Variants in CALD1 observed in about 807,000 individuals in gnomAD.
The protein encoded by CALD1 is caldesmon.
In CALD1, 33 loss-of-function variants were observed where a neutral mutation model predicts 99.9. The observed-to-expected ratio is 0.33, with a 90% CI of 0.25 to 0.44. The LOEUF is 0.44. Ranked by LOEUF, CALD1 falls within the 20% of genes least tolerant of loss-of-function variation. CALD1 has a pLI of 1.00. For missense variants in CALD1, 861 were observed against 962.1 expected, an observed-to-expected ratio of 0.89 and a Z score of 1.39; for synonymous variants, 310 against 325.0, an observed-to-expected ratio of 0.95 and a Z score of 0.50.
chr7:134,836,879 A>C (rs1199990740), intron 1 of CALD1, among the ~76,000 whole-genome samples: 1 of 152,204 alleles, frequency 6.6e-6, no homozygotes, highest in Non-Finnish European at 1.5e-5. Context: ...TCTTCTATTA[A>C]CAATTGAAAC....
At chr7:134,859,229 G>T (rs1170656923) in intron 2 of CALD1, among the ~76,000 whole-genome samples, 1 of 152,180 alleles carries the variant, frequency 6.6e-6, no homozygotes, top group African/African-American at 2.4e-5. Context: ...CCCTGTATCT[G>T]AATTATGTGT....
chr7:134,778,564 C>G (rs1245085132), upstream of CALD1, among the ~76,000 whole-genome samples: 1 of 152,182 alleles, frequency 6.6e-6, no homozygotes, highest in Non-Finnish European at 1.5e-5. Context: ...TAATTAAGTA[C>G]TAATTGAGTG....
At chr7:134,760,221 T>C (rs56783735) in intron 1 of CALD1, among the ~76,000 whole-genome samples, 18,487 of 152,148 alleles carry the variant, frequency 0.12, 2,841 homozygotes, top group African/African-American at 0.36. Context: ...CTGAGTGTGG[T>C]AGGAAATCAA....
chr7:134,949,062 C>A (rs1807133351), intron 8 of CALD1, among the ~76,000 whole-genome samples: 1 of 152,112 alleles, frequency 6.6e-6, no homozygotes. Context: ...ATCTACTTTG[C>A]AGGATTCTTC....
At position 134,933,642 on chromosome 7, in the gene CALD1, A is replaced by T; in HGVS notation, c.873A>T (p.Glu291Asp). Reference sequence around the variant, plus strand: ...AGCAAGACAAAAAGATAGCAGATGAACGAGCAAGAATTGAAGCAGAAGAAA... The same window carrying T: ...AGCAAGACAAAAAGATAGCAGATGATCGAGCAAGAATTGAAGCAGAAGAAA... ...KAEQDKKIAD[E>D]RARIEAEEKA... Residue 291 changes from glutamate (E) to aspartate (D), a missense_variant, in exon 5 of 15, where the codon GAA becomes GAT. By Grantham distance (45) the Glu-to-Asp change is conservative (BLOSUM62 2). Transcript: ENST00000361675. The T allele has an allele frequency of 6.2e-7, 1 of 1,608,612 alleles. No homozygotes were observed. Among genetic ancestry groups the T allele is most frequent in the Non-Finnish European group, 8.5e-7 (1 of 1,177,146 alleles).
intron 14 of CALD1, among the ~76,000 whole-genome samples, chr7:134,966,590 G>GT (rs1808697959): frequency 6.6e-6 from 1 of 152,144 alleles, no homozygotes; most frequent in South Asian, 2.1e-4. Flanking sequence ...GAGAGATGAA[G>GT]TAACTTTCCC....
chr7:134,792,664 C>T (rs534334889), intron 1 of CALD1, among the ~76,000 whole-genome samples: 1 of 152,220 alleles, frequency 6.6e-6, no homozygotes, highest in Non-Finnish European at 1.5e-5. Context: ...ACTTGATTAC[C>T]TCTGTAAAGA....
chr7:134,737,457 T>A, the CALD1 span, among the ~76,000 whole-genome samples: 2 of 152,242 alleles, frequency 1.3e-5, no homozygotes, highest in Non-Finnish European at 2.9e-5. Flanking sequence ...TAAATAACTA[T>A]GCATTTTATT....
intron 6 of CALD1, among the ~76,000 whole-genome samples, chr7:134,936,257 G>C (rs1586362466): frequency 1.3e-5 from 2 of 152,252 alleles, no homozygotes; most frequent in East Asian, 3.9e-4. Flanking sequence ...GATGATATTT[G>C]GTTTTCAAAA....
At chr7:134,712,747 T>C in the CALD1 span, among the ~76,000 whole-genome samples, 3 of 152,204 alleles carry the variant, frequency 2.0e-5, no homozygotes, top group Non-Finnish European at 4.4e-5. Flanking sequence ...GTCAGTCTTT[T>C]AGCTGAGATC....
chr7:134,741,948 C>T (rs1796595616), upstream of CALD1, among the ~76,000 whole-genome samples: 1 of 151,714 alleles, frequency 6.6e-6, no homozygotes, highest in African/African-American at 2.4e-5. Context: ...GTGTTATTGT[C>T]TTCATTCTAC....
the CALD1 span, among the ~76,000 whole-genome samples, chr7:134,723,885 A>G: frequency 6.6e-6 from 1 of 152,204 alleles, no homozygotes; most frequent in Non-Finnish European, 1.5e-5. Context: ...TTGGCTTTAG[A>G]ATCCTACTGT....
At chr7:134,896,023 T>C (rs1802545745) in intron 3 of CALD1, among the ~76,000 whole-genome samples, 1 of 152,158 alleles carries the variant, frequency 6.6e-6, no homozygotes, top group Non-Finnish European at 1.5e-5. Context: ...GTTACCTGTT[T>C]CTAACCATCC....
At chr7:134,732,486 TG>T in the CALD1 span, among the ~76,000 whole-genome samples, 1 of 152,218 alleles carries the variant, frequency 6.6e-6, no homozygotes, top group Non-Finnish European at 1.5e-5. Context: ...GGGAGGCTGT[TG>T]GCTTTTCCAC....
At chr7:134,775,288 A>C (rs2131643585), upstream of CALD1, among the ~76,000 whole-genome samples, 1 of 152,310 alleles carries the variant, frequency 6.6e-6, no homozygotes, top group East Asian at 1.9e-4. Flanking sequence ...TCTTGTGTGA[A>C]TAGCACTTAT....
At chr7:134,776,820 C>T (rs1330930672), upstream of CALD1, among the ~76,000 whole-genome samples, 1 of 152,128 alleles carries the variant, frequency 6.6e-6, no homozygotes, top group Non-Finnish European at 1.5e-5. Context: ...CCTATTTTTA[C>T]TTTTCCCAAG....
chr7:134,839,014 C>T (rs1171099029), intron 1 of CALD1, among the ~76,000 whole-genome samples: 1 of 152,192 alleles, frequency 6.6e-6, no homozygotes, highest in East Asian at 1.9e-4. Context: ...ACTGAGTAGT[C>T]AGCATCCAGA....
rs200467553 is a variant in CALD1, at chr7:134,933,962, C to T, written c.1193C>T (p.Ala398Val). 5.6e-6 allele frequency: 9 copies of T among 1,613,792 alleles called. No individual in the cohort carries two copies. In the East Asian group the frequency reaches 6.7e-5, roughly 12 times the overall value. The change falls in exon 5 of 15, where the codon GCC becomes GTC. Residue 398 changes from alanine to valine, a missense_variant. Ala to Val is a moderately conservative substitution (Grantham distance 64, BLOSUM62 0). Around this residue, in one of 5 missense-constraint regions of CALD1, gnomAD observed 293 missense variants for 262.7 expected, o/e 1.12. Transcript: ENST00000361675. ...RNKQLEEKKHAMQETKIKGEK... is the reference protein window; with the variant it reads ...RNKQLEEKKHVMQETKIKGEK... ...AAGCAGCTAGAAGAGAAAAAACATG[C>T]CATGCAAGAGACAAAGATAAAAGGG...
chr7:134,752,983 C>A (rs571337757), intron 1 of CALD1, among the ~76,000 whole-genome samples: 1 of 146,548 alleles, frequency 6.8e-6, no homozygotes, highest in African/African-American at 2.5e-5. Flanking sequence ...GCACTCCAGC[C>A]TGGGCAACAG....
Sources: allele counts gnomAD v4.1 joint callset (sites outside exome capture counted in the v4.1 genomes callset), GRCh38; gene constraint gnomAD v4.1.1; regional missense constraint gnomAD v4.1.1; transcripts MANE v1.5; gene names NCBI Gene and HGNC (gene_info 2026-07-23, HGNC 2026-07-21).